RPL39L: variants seen among roughly 807,000 people sequenced by gnomAD.
RPL39L encodes ribosomal protein eL39-like 2.
For missense variants in RPL39L, 48 were observed against 58.9 expected (o/e 0.81, Z 0.61); for synonymous variants, 16 against 20.1 (o/e 0.80, Z 0.55).
rs116489785 is a variant in RPL39L, at chr3:187,134,555, C to T, written c.-93+4658G>A. Among the ~76,000 whole-genome samples the T allele has an allele frequency of 7.0e-3, 1,044 of 149,144 alleles. 11 individuals are homozygous for T. The highest frequency in any genetic ancestry group is 0.025 in the African/African-American group (987 of 39,616). ...TGAAAAAGGGGACAATGCTACAGGT[C>T]TCAGGACATTAAATGGATAGAATAA... On this transcript the variant is annotated intron_variant, in intron 1 of 2. Coordinates refer to ENST00000296277, the MANE Select transcript of RPL39L (RefSeq NM_052969.3).
At chr3:187,137,007 C>G (rs1720590931) in intron 1 of RPL39L, among the ~76,000 whole-genome samples, 1 of 150,600 alleles carries the variant, frequency 6.6e-6, no homozygotes, top group African/African-American at 2.4e-5. Flanking sequence ...TGAGATCAGC[C>G]CGAGTATGTT....
At chr3:187,131,551 A>AC (rs551575594) in intron 1 of RPL39L, among the ~76,000 whole-genome samples, 1 of 152,262 alleles carries the variant, frequency 6.6e-6, no homozygotes, top group East Asian at 1.9e-4. Context: ...AAACAAAACA[A>AC]AACAACAACA....
chr3:187,135,744 C>T (rs1047665322), intron 1 of RPL39L, among the ~76,000 whole-genome samples: 12 of 152,172 alleles, frequency 7.9e-5, no homozygotes, highest in Admixed American at 6.5e-4. Context: ...ATCCATTTTG[C>T]CTTGCTATAA....
chr3:187,135,832 A>T (rs1720569995), intron 1 of RPL39L, among the ~76,000 whole-genome samples: 2 of 152,264 alleles, frequency 1.3e-5, no homozygotes, highest in Admixed American at 1.3e-4. Context: ...GCATGGCACC[A>T]GCATCTGCTA....
chr3:187,138,601 G>A (rs1044084889), intron 1 of RPL39L, among the ~76,000 whole-genome samples: 3 of 152,210 alleles, frequency 2.0e-5, no homozygotes, highest in African/African-American at 7.2e-5. Flanking sequence ...AACCACTGAT[G>A]AATCAGTGCC....
chr3:187,137,541 G>A (rs780631196), intron 1 of RPL39L, among the ~76,000 whole-genome samples: 5 of 151,490 alleles, frequency 3.3e-5, no homozygotes, highest in Non-Finnish European at 7.4e-5. Flanking sequence ...GGCCGGGTGC[G>A]GTGGCTCACG....
Sources: allele counts gnomAD v4.1 joint callset (sites outside exome capture counted in the v4.1 genomes callset), GRCh38; gene constraint gnomAD v4.1.1; transcripts MANE v1.5; gene names NCBI Gene and HGNC (gene_info 2026-07-23, HGNC 2026-07-21).